PAPPA2: variants seen among roughly 807,000 people sequenced by gnomAD.
PAPPA2 encodes pappalysin 2.
A neutral mutation model predicts 176.4 loss-of-function variants in PAPPA2; 86 were observed. The ratio of observed to expected loss-of-function variants is 0.49; its 90% CI spans 0.41 to 0.58. The LOEUF is 0.58. Ranked by LOEUF, PAPPA2 falls within the 20% of genes least tolerant of loss-of-function variation. PAPPA2 has a pLI of 0.00. For missense variants in PAPPA2, 2,073 were observed against 2,256.9 expected, an observed-to-expected ratio of 0.92 and a Z score of 1.65; for synonymous variants, 809 against 852.2, an observed-to-expected ratio of 0.95 and a Z score of 0.88.
intron 17 of PAPPA2, among the ~76,000 whole-genome samples, chr1:176,789,032 A>G (rs528642987): frequency 6.6e-6 from 1 of 152,206 alleles, no homozygotes; most frequent in South Asian, 2.1e-4. Flanking sequence ...TTTGTACCCC[A>G]TCTTACCTGA....
At chr1:176,710,484 A>G (rs1202559685) in intron 11 of PAPPA2, among the ~76,000 whole-genome samples, 2 of 152,214 alleles carry the variant, frequency 1.3e-5, no homozygotes, top group African/African-American at 4.8e-5. Flanking sequence ...ATCAAAGTAT[A>G]AATTGATTTA....
chr1:176,580,165 C>G (rs1053248347), intron 2 of PAPPA2, among the ~76,000 whole-genome samples: 2 of 152,140 alleles, frequency 1.3e-5, no homozygotes, highest in African/African-American at 4.8e-5. Context: ...CTCCCTCTTC[C>G]TGCTACACTT....
intron 15 of PAPPA2, among the ~76,000 whole-genome samples, chr1:176,768,189 G>A (rs1664061756): frequency 6.6e-6 from 1 of 152,066 alleles, no homozygotes; most frequent in Non-Finnish European, 1.5e-5. Context: ...AGGTCTCCAG[G>A]TCCTGCCTTG....
rs1007785244 is a variant in PAPPA2 at position 176,842,713 on chromosome 1, A to G, written c.*259A>G. The G allele has an allele frequency of 5.3e-4, 248 of 471,104 alleles. No individual in the cohort carries two copies. The highest frequency in any genetic ancestry group is 8.8e-4 in the Admixed American group (24 of 27,234). The allele number at this position is 471,104 out of a possible 1,614,324, so 29.2% of individuals were successfully genotyped here. On this transcript the variant is annotated 3_prime_UTR_variant, in exon 23 of 23. Coordinates refer to ENST00000367662, the MANE Select transcript of PAPPA2 (RefSeq NM_020318.3). ...TAACATGGAAGGGGAAATATGATAG[A>G]TATATAAGGACCCTCCTCCCTCACT...
chr1:176,719,340 T>G (rs1661514277), intron 12 of PAPPA2, among the ~76,000 whole-genome samples: 1 of 152,172 alleles, frequency 6.6e-6, no homozygotes, highest in South Asian at 2.1e-4. Flanking sequence ...ATAAAGTGTT[T>G]CCTTTTTTGT....
rs745726043 is a variant in PAPPA2 at position 176,594,505 on chromosome 1, A to C, written c.920-19A>C. On this transcript the variant is annotated intron_variant, in intron 2 of 22. Transcript: ENST00000367662. ...TATCTGGTATCTGTCTCTTCCCTCG[A>C]TTCTTCCTTCTTTCCCAGGTGTGTT... The C allele has an allele frequency of 1.3e-6, 2 of 1,596,778 alleles. No homozygotes were observed. Among genetic ancestry groups the C allele is most frequent in the Non-Finnish European group, 1.7e-6 (2 of 1,167,570 alleles).
intron 3 of PAPPA2, among the ~76,000 whole-genome samples, chr1:176,611,133 T>A (rs939168223): frequency 6.6e-6 from 1 of 152,224 alleles, no homozygotes; most frequent in African/African-American, 2.4e-5. Flanking sequence ...GAATCATTTA[T>A]ATGTTGAGTG....
chr1:176,545,360 C>T (rs1050397510), intron 1 of PAPPA2, among the ~76,000 whole-genome samples: 2 of 151,772 alleles, frequency 1.3e-5, no homozygotes, highest in Non-Finnish European at 2.9e-5. Flanking sequence ...CAAATATAGT[C>T]GCCTTCTCTC....
chr1:176,504,874 T>A (rs960482663), intron 1 of PAPPA2, among the ~76,000 whole-genome samples: 3 of 152,108 alleles, frequency 2.0e-5, no homozygotes, highest in South Asian at 2.1e-4. Context: ...AGATGGATGA[T>A]GAAATGAAGA....
chr1:176,560,883 G>A (rs1226291463), intron 2 of PAPPA2, among the ~76,000 whole-genome samples: 4 of 152,252 alleles, frequency 2.6e-5, no homozygotes, highest in Non-Finnish European at 5.9e-5. Context: ...GCAGGAGACT[G>A]AGTCACTAAG....
At chr1:176,573,580 TTCTC>T (rs745611327) in intron 2 of PAPPA2, among the ~76,000 whole-genome samples, 1 of 152,170 alleles carries the variant, frequency 6.6e-6, no homozygotes, top group Non-Finnish European at 1.5e-5. Flanking sequence ...AAGTTTCTCT[TTCTC>T]TCTCTCTGTC....
At chr1:176,756,169 G>A (rs902018169) in intron 14 of PAPPA2, among the ~76,000 whole-genome samples, 2 of 152,088 alleles carry the variant, frequency 1.3e-5, no homozygotes, top group African/African-American at 4.8e-5. Context: ...TGGCCAGGCT[G>A]GTCTCGAACT....
intron 8 of PAPPA2, among the ~76,000 whole-genome samples, chr1:176,700,940 G>A (rs1033152727): frequency 1.3e-5 from 2 of 152,014 alleles, no homozygotes; most frequent in Admixed American, 1.3e-4. Context: ...TGACCAAAAA[G>A]CTAATGCAAA....
At chr1:176,531,705 A>T (rs1279323750) in intron 1 of PAPPA2, among the ~76,000 whole-genome samples, 1 of 152,226 alleles carries the variant, frequency 6.6e-6, no homozygotes. Context: ...GACTTTGGTT[A>T]GGGGGTCTAG....
rs1238446270 is a variant in PAPPA2, at chr1:176,477,688, T to C, written c.-917+14270T>C. ...TGAACCTGGGAGGTGGAAGTTGCAGTGAGCCGAGATTGCGCCACTGCACTC... is the reference window on the plus strand; with the variant it reads ...TGAACCTGGGAGGTGGAAGTTGCAGCGAGCCGAGATTGCGCCACTGCACTC... On this transcript the variant is annotated intron_variant, in intron 1 of 22. Transcript: ENST00000367662. Among the ~76,000 whole-genome samples, 6 of 152,070 alleles carry C rather than the reference T, an allele frequency of 3.9e-5. No homozygotes were observed. The East Asian group carries it at 1.2e-3, about 29-fold the overall frequency.
chr1:176,608,459 T>C (rs1371354371), intron 3 of PAPPA2, among the ~76,000 whole-genome samples: 1 of 152,224 alleles, frequency 6.6e-6, no homozygotes. Flanking sequence ...TACCATCTTA[T>C]GAATTTGCGG....
intron 3 of PAPPA2, among the ~76,000 whole-genome samples, chr1:176,621,089 G>A (rs1655567343): frequency 6.6e-6 from 1 of 151,978 alleles, no homozygotes; most frequent in African/African-American, 2.4e-5. Context: ...CAGGCCAGAA[G>A]GAGTTGTTGA....
At chr1:176,730,839 T>G (rs760850080) in intron 12 of PAPPA2, among the ~76,000 whole-genome samples, 1 of 152,112 alleles carries the variant, frequency 6.6e-6, no homozygotes, top group Non-Finnish European at 1.5e-5. Context: ...CTCTTATAAT[T>G]TCTTTTTAAA....
At chr1:176,700,997 T>G (rs1282669824) in intron 8 of PAPPA2, among the ~76,000 whole-genome samples, 3 of 151,940 alleles carry the variant, frequency 2.0e-5, no homozygotes, top group Admixed American at 6.6e-5. Flanking sequence ...TTGAACTTCT[T>G]AAATAAGGCA....
Sources: gnomAD v4.1 joint callset for allele counts (sites outside exome capture counted in the v4.1 genomes callset) on GRCh38, gnomAD v4.1.1 for gene constraint, MANE v1.5 for transcripts, NCBI Gene and HGNC (gene_info 2026-07-23, HGNC 2026-07-21) for gene names.